Variants in PLXNA4 observed in about 807,000 individuals in gnomAD.
The protein encoded by PLXNA4 is plexin-A4.
PLXNA4 carries 44 observed loss-of-function variants against 191.8 expected under a neutral mutation model. That is an observed-to-expected ratio of 0.23 (90% CI 0.18 to 0.29). The LOEUF (loss-of-function observed/expected upper bound fraction) is 0.29. Ranked by LOEUF, PLXNA4 falls within the 10% of genes least tolerant of loss-of-function variation. The pLI is 1.00. For synonymous variants in PLXNA4, 1,082 were observed against 1,009.5 expected, an observed-to-expected ratio of 1.07 and a Z score of -1.36; for missense variants, 1,800 against 2,488.8, an observed-to-expected ratio of 0.72 and a Z score of 5.89.
intron 3 of PLXNA4, among the ~76,000 whole-genome samples, chr7:132,415,929 G>A (rs1794643834): frequency 6.6e-6 from 1 of 152,200 alleles, no homozygotes; most frequent in African/African-American, 2.4e-5. Context: ...ATAGACTAGA[G>A]AGCACTGGGG....
At chr7:132,457,237 T>A (rs1173782302) in intron 3 of PLXNA4, among the ~76,000 whole-genome samples, 1 of 152,218 alleles carries the variant, frequency 6.6e-6, no homozygotes, top group Non-Finnish European at 1.5e-5. Context: ...TTGGAATTCA[T>A]CAGTTTTTCC....
intron 10 of PLXNA4, among the ~76,000 whole-genome samples, chr7:132,207,232 G>A (rs1472900145): frequency 1.3e-5 from 2 of 152,184 alleles, no homozygotes; most frequent in Non-Finnish European, 2.9e-5. Context: ...AGTAGAAAGG[G>A]GACAAGTTCT....
intron 3 of PLXNA4, among the ~76,000 whole-genome samples, chr7:132,446,218 T>C (rs994243698): frequency 1.3e-5 from 2 of 152,234 alleles, no homozygotes. Context: ...GACCAGAGGC[T>C]GCACTTCATC....
chr7:132,245,143 G>T (rs975736316), intron 4 of PLXNA4, among the ~76,000 whole-genome samples: 2 of 151,928 alleles, frequency 1.3e-5, no homozygotes, highest in African/African-American at 4.8e-5. Flanking sequence ...TGCCAGGCAT[G>T]CTAATTAACT....
rs1437981606 is a variant in PLXNA4, at chr7:132,181,436, G to A, written c.3437C>T (p.Ala1146Val). ...FTYYPNPVFE[A>V]FGPSGILELK... is the part of the protein sequence containing the mutation. ...CTCCAGGATTCCTGAGGGACCAAAG[G>A]CCTCAAACACCGGGTTGGGATAGTA... Residue 1146 changes from alanine (A) to valine (V), a missense_variant, in exon 18 of 32, where the codon GCC becomes GTC. Physicochemically the swap from Ala to Val is moderately conservative, Grantham distance 64. This residue lies in a region of PLXNA4 where 1,397 missense variants were observed against 1,880.4 expected (regional missense o/e 0.74). Coordinates refer to ENST00000321063, the MANE Select transcript of PLXNA4 (RefSeq NM_020911.2). 3 of 1,614,114 alleles carry A rather than the reference G, an allele frequency of 1.9e-6. No individual in the cohort carries two copies. The highest frequency in any genetic ancestry group is 2.2e-5 in the East Asian group (1 of 44,872).
intron 13 of PLXNA4, among the ~76,000 whole-genome samples, chr7:132,195,573 A>G (rs767336942): frequency 6.6e-6 from 1 of 152,120 alleles, no homozygotes; most frequent in African/African-American, 2.4e-5. Context: ...TTGATGGCCC[A>G]CTCTTTTGCC....
At chr7:132,160,970 A>T (rs922789897) in intron 24 of PLXNA4, among the ~76,000 whole-genome samples, 1 of 152,184 alleles carries the variant, frequency 6.6e-6, no homozygotes, top group Non-Finnish European at 1.5e-5. Flanking sequence ...TTTCACACTC[A>T]AAATGCCCTA....
At chr7:132,143,230 G>A (rs1248211576) in intron 29 of PLXNA4, among the ~76,000 whole-genome samples, 1 of 152,154 alleles carries the variant, frequency 6.6e-6, no homozygotes, top group Non-Finnish European at 1.5e-5. Flanking sequence ...GTCTTCCTCA[G>A]CATAGCAATA....
At chr7:132,254,465 G>T (rs886636280) in intron 4 of PLXNA4, among the ~76,000 whole-genome samples, 3 of 152,110 alleles carry the variant, frequency 2.0e-5, no homozygotes, top group Non-Finnish European at 4.4e-5. Context: ...TCAACTCCTG[G>T]CTCAGCCACT....
chr7:132,544,263 C>A (rs910527308), intron 1 of PLXNA4, among the ~76,000 whole-genome samples: 1 of 152,162 alleles, frequency 6.6e-6, no homozygotes, highest in African/African-American at 2.4e-5. Context: ...AACCCAAAAC[C>A]CTCCCAGAGG....
intron 2 of PLXNA4, among the ~76,000 whole-genome samples, chr7:132,595,613 C>A (rs140671741): frequency 0.013 from 1,994 of 152,270 alleles, 17 homozygotes; most frequent in Non-Finnish European, 0.02. Context: ...TAAGTCACAA[C>A]AGAGGAAAAC....
chr7:132,390,980 C>G (rs537168115), intron 3 of PLXNA4, among the ~76,000 whole-genome samples: 1 of 152,316 alleles, frequency 6.6e-6, no homozygotes, highest in Admixed American at 6.5e-5. Flanking sequence ...AGAGGGCAAA[C>G]TCTAGTTACT....
intron 27 of PLXNA4, among the ~76,000 whole-genome samples, chr7:132,147,377 T>A (rs1203906707): frequency 6.6e-6 from 1 of 152,160 alleles, no homozygotes; most frequent in African/African-American, 2.4e-5. Flanking sequence ...CCAAGGCTCA[T>A]AGTGGTCAGA....
At chr7:132,218,286 A>C (rs1352820821) in intron 9 of PLXNA4, among the ~76,000 whole-genome samples, 1 of 152,176 alleles carries the variant, frequency 6.6e-6, no homozygotes, top group East Asian at 1.9e-4. Context: ...ACAGCTTTGC[A>C]AATCAAATAG....
At chr7:132,317,131 AGTTGT>A (rs1215491179) in intron 3 of PLXNA4, among the ~76,000 whole-genome samples, 16 of 151,780 alleles carry the variant, frequency 1.1e-4, no homozygotes, top group Non-Finnish European at 1.5e-5. Flanking sequence ...GATTAGATTG[AGTTGT>A]GTTGTGTTGA....
rs1805379205 is a variant in PLXNA4 at position 132,390,834 on chromosome 7, T to C, written c.1372-92612A>G. 5.3e-5 allele frequency among the ~76,000 whole-genome samples: 8 copies of C among 152,188 alleles called. 1 individual carries two copies. In the South Asian group the frequency reaches 1.7e-3, roughly 32 times the overall value. On this transcript the variant is annotated intron_variant, in intron 3 of 31. Coordinates refer to ENST00000321063, the MANE Select transcript of PLXNA4 (RefSeq NM_020911.2). ...TGTACTTCCTCACATTGGTTGGGCA[T>C]GAGCTGGGCTAAGGCCTTTCTGTTC... is the stretch of plus-strand genomic sequence containing the variant.
intron 5 of PLXNA4, among the ~76,000 whole-genome samples, chr7:132,239,964 C>T (rs552692727): frequency 6.6e-6 from 1 of 152,152 alleles, no homozygotes; most frequent in Non-Finnish European, 1.5e-5. Context: ...CCTGAGACTG[C>T]CACCCAGAGA....
chr7:132,620,496 A>C lies in PLXNA4; in HGVS notation c.-87+25432T>G, dbSNP rs555890367. Among the ~76,000 whole-genome samples, 22 of 152,328 alleles carry C rather than the reference A, an allele frequency of 1.4e-4. 1 individual carries two copies. In the South Asian group the frequency reaches 1.5e-3, roughly 10 times the overall value. ...GCATTGAGGATGCTTTAGGGTTATT[A>C]AAATCCAAACAATAAAATCAAAAGT... On this transcript the variant is annotated intron_variant, in intron 2 of 4. Coordinates refer to the PLXNA4 transcript ENST00000378539.
At chr7:132,221,906 G>C (rs13237800) in intron 9 of PLXNA4, among the ~76,000 whole-genome samples, 73,752 of 151,976 alleles carry the variant, frequency 0.49, 18,462 homozygotes, top group East Asian at 0.69. Context: ...TGAGACAAAG[G>C]TTTTCAGCCT....
Sources: allele counts gnomAD v4.1 joint callset (sites outside exome capture counted in the v4.1 genomes callset), GRCh38; gene constraint gnomAD v4.1.1; regional missense constraint gnomAD v4.1.1; transcripts MANE v1.5; gene names NCBI Gene and HGNC (gene_info 2026-07-23, HGNC 2026-07-21).